Variants in PHF21B observed in about 807,000 individuals in gnomAD.
PHF21B encodes the protein PHD finger protein 21B, also known as PHD finger protein 4.
A neutral mutation model predicts 62.2 loss-of-function variants in PHF21B; 22 were observed. The ratio of observed to expected loss-of-function variants is 0.35; its 90% confidence interval spans 0.25 to 0.51. The LOEUF is 0.51. Among genes scored for constraint, PHF21B ranks in the 20% least tolerant of loss-of-function variants. PHF21B has a pLI of 0.97. For synonymous variants in PHF21B, 341 were observed against 314.7 expected (o/e 1.08, Z -0.88); for missense variants, 701 against 707.9 (o/e 0.99, Z 0.11).
At chr22:44,903,990 T>C (rs1478280715) in intron 5 of PHF21B, among the ~76,000 whole-genome samples, 4 of 152,244 alleles carry the variant, frequency 2.6e-5, no homozygotes, top group Non-Finnish European at 5.9e-5. Context: ...GTATTTTCAG[T>C]GTATCCTTTT....
intron 2 of PHF21B, among the ~76,000 whole-genome samples, chr22:44,966,157 C>T (rs1020050894): frequency 1.3e-5 from 2 of 152,316 alleles, no homozygotes; most frequent in East Asian, 1.9e-4. Flanking sequence ...TCCAGTCCCT[C>T]GCTCCTACGC....
chr22:44,888,171 G>C (rs557414305), intron 9 of PHF21B, 50 bp from the exon 10 acceptor site: 1 of 1,439,104 alleles, frequency 6.9e-7, no homozygotes, highest in South Asian at 1.4e-5. Flanking sequence ...CCAGGGCAGC[G>C]GGGGCCGGTC....
intron 10 of PHF21B, 44 bp from the exon 11 acceptor site, chr22:44,885,982 ACCTGCTGGGACTGTCCACAC>A: frequency 6.4e-7 from 1 of 1,569,988 alleles, no homozygotes; most frequent in East Asian, 2.2e-5. Context: ...AGGCCCTGGG[ACCTGCTGGGACTGTCCACAC>A]CCTGGCTGTG....
At chr22:45,001,954 CATTTTCCCG>C (rs755340960) in intron 2 of PHF21B, 15 of 152,232 alleles carry the variant, frequency 9.9e-5, no homozygotes, top group Non-Finnish European at 2.1e-4. Context: ...CTTGTACTGC[CATTTTCCCG>C]ATGAGCACGT....
chr22:44,916,742 A>G (rs1026746223), intron 3 of PHF21B, 112 bp from the exon 4 acceptor site: 3 of 969,940 alleles, frequency 3.1e-6, no homozygotes, highest in African/African-American at 1.6e-5. Flanking sequence ...GCAGCACTGG[A>G]AAGAGCACAG....
chr22:44,933,948 TG>T (rs2071794283), intron 2 of PHF21B, among the ~76,000 whole-genome samples: 4 of 152,220 alleles, frequency 2.6e-5, no homozygotes, highest in African/African-American at 9.6e-5. Flanking sequence ...GTCTATTTAC[TG>T]AGATCCTGCC....
intron 2 of PHF21B, among the ~76,000 whole-genome samples, chr22:44,954,167 T>G (rs1248319337): frequency 6.6e-6 from 1 of 152,222 alleles, no homozygotes; most frequent in Non-Finnish European, 1.5e-5. Context: ...ATTAATGCAT[T>G]GTACGTTTCG....
In PHF21B at chr22:44,916,340, G is replaced by A. The variant is rs749264266; in HGVS notation, c.504C>T (p.Ala168=). The change falls in exon 4 of 13, where the codon GCC becomes GCT. Residue 168 remains alanine, a synonymous_variant. Transcript: ENST00000313237. The stretch of plus-strand genomic sequence containing the variant: ...TGATGCTGTCACTGACCACAGACAC[G>A]GCGGTGCTGGGGGCCATGGCGGCGG... ...SNAAAMAPST[A]VSVVSDSIKV... The A allele has an allele frequency of 6.3e-6, 10 of 1,598,882 alleles. No homozygotes were observed. Among genetic ancestry groups the A allele is most frequent in the African/African-American group, 1.3e-5 (1 of 74,130 alleles).
rs200922039 is a variant in PHF21B at position 44,893,445 on chromosome 22, C to T, written c.960+12G>A. Reference sequence around the variant, plus strand: ...CACCCTCCTGGTGGCATGGGGCTGGCGGGTTCCCCACCTCGGTCTCCAGGA... The same window carrying T: ...CACCCTCCTGGTGGCATGGGGCTGGTGGGTTCCCCACCTCGGTCTCCAGGA... On this transcript the variant is annotated intron_variant, in intron 7 of 12. Coordinates refer to ENST00000313237, the MANE Select transcript of PHF21B (RefSeq NM_138415.5). 5.8e-5 allele frequency: 92 copies of T among 1,587,458 alleles called. No homozygotes were observed. In the East Asian group the frequency reaches 1.9e-3, roughly 32 times the overall value.
At chr22:45,005,776 C>T (rs1601704628) in intron 2 of PHF21B, among the ~76,000 whole-genome samples, 1 of 152,142 alleles carries the variant, frequency 6.6e-6, no homozygotes, top group East Asian at 1.9e-4. Flanking sequence ...GAAAACATCT[C>T]TGGAGGTGGA....
chr22:44,951,014 C>T (rs1196789568), intron 2 of PHF21B, among the ~76,000 whole-genome samples: 1 of 152,152 alleles, frequency 6.6e-6, no homozygotes, highest in Non-Finnish European at 1.5e-5. Flanking sequence ...CAGGTTCTGA[C>T]GTAAAGCCTG....
intron 2 of PHF21B, among the ~76,000 whole-genome samples, chr22:44,938,520 A>G (rs2071893532): frequency 6.6e-6 from 1 of 152,252 alleles, no homozygotes; most frequent in African/African-American, 2.4e-5. Context: ...GGCGTGAGCC[A>G]CTGCGCCCAA....
chr22:45,007,810 C>T (rs941499965), intron 2 of PHF21B, among the ~76,000 whole-genome samples: 2 of 151,192 alleles, frequency 1.3e-5, no homozygotes, highest in Non-Finnish European at 3.0e-5. Context: ...GCCGGCCGGG[C>T]TCTGGCGGCG....
chr22:44,905,460 T>G (rs1411208520), intron 5 of PHF21B, among the ~76,000 whole-genome samples: 1 of 152,258 alleles, frequency 6.6e-6, no homozygotes, highest in Non-Finnish European at 1.5e-5. Flanking sequence ...TTGTGGATCT[T>G]AAATACACTT....
chr22:44,946,213 G>A (rs547492353), intron 2 of PHF21B, among the ~76,000 whole-genome samples: 2 of 152,120 alleles, frequency 1.3e-5, no homozygotes, highest in East Asian at 3.9e-4. Context: ...GGGGCACCAC[G>A]TACTTCTGGG....
chr22:44,958,973 T>C (rs2072361808), intron 2 of PHF21B, among the ~76,000 whole-genome samples: 1 of 151,978 alleles, frequency 6.6e-6, no homozygotes, highest in African/African-American at 2.4e-5. Context: ...GCAATCTACA[T>C]TTCCAATGTC....
intron 2 of PHF21B, among the ~76,000 whole-genome samples, chr22:44,994,746 CTCA>C (rs1019311285): frequency 1.3e-5 from 2 of 152,206 alleles, no homozygotes; most frequent in African/African-American, 4.8e-5. Flanking sequence ...CCCACTTCAT[CTCA>C]TCAACACTCC....
At chr22:45,003,602 G>C (rs926898314) in intron 2 of PHF21B, 1 of 152,322 alleles carries the variant, frequency 6.6e-6, no homozygotes, top group Non-Finnish European at 1.5e-5. Flanking sequence ...AAGAGCAAGG[G>C]GAAGCCACCA....
chr22:44,915,797 C>T (rs567800208), intron 4 of PHF21B, among the ~76,000 whole-genome samples: 2 of 152,126 alleles, frequency 1.3e-5, no homozygotes, highest in Admixed American at 6.5e-5. Flanking sequence ...AGGGGAGCAG[C>T]GGGAGGACCT....
Sources: allele counts gnomAD v4.1 joint callset (sites outside exome capture counted in the v4.1 genomes callset), GRCh38; gene constraint gnomAD v4.1.1; transcripts MANE v1.5; gene names NCBI Gene and HGNC (gene_info 2026-07-23, HGNC 2026-07-21).